ADGRE1: variants seen among roughly 807,000 people sequenced by gnomAD.
ADGRE1 encodes adhesion G protein-coupled receptor E1.
A neutral mutation model predicts 102.7 loss-of-function variants in ADGRE1; 82 were observed. The observed-to-expected ratio is 0.80, with a 90% CI of 0.67 to 0.96. The LOEUF (loss-of-function observed/expected upper bound fraction) is 0.96, where lower values mean the gene tolerates loss of function less well. Among genes scored for constraint, ADGRE1 ranks in the 40% least tolerant of loss-of-function variants. The pLI is 0.00. For missense variants in ADGRE1, 1,032 were observed against 1,085.3 expected, an observed-to-expected ratio of 0.95 and a Z score of 0.69; for synonymous variants, 398 against 399.6, an observed-to-expected ratio of 1.00 and a Z score of 0.05.
chr19:6,937,139 G>A, intron 18 of ADGRE1, 104 bp from the exon 19 acceptor site: 1 of 1,331,056 alleles, frequency 7.5e-7, no homozygotes, highest in Non-Finnish European at 1.0e-6. Flanking sequence ...CCACACCTAG[G>A]TGGCAAATTG....
Position 6,891,400 on chromosome 19 carries a change from T to G in ADGRE1, c.94+857T>G, listed in dbSNP as rs150522767. 2.7e-3 allele frequency among the ~76,000 whole-genome samples: 406 copies of G among 152,254 alleles called. 5 individuals are homozygous for G. Among genetic ancestry groups the G allele is most frequent in the African/African-American group, 8.9e-3 (370 of 41,548 alleles). ...TCCCAGTGTCTCTGTTTCCTGGTTC[T>G]TCTTTGGGCAACTTAGCAACTTGGT... On this transcript the variant is annotated intron_variant, in intron 2 of 20. Transcript: ENST00000312053.
intron 20 of ADGRE1, 149 bp downstream of exon 20, chr19:6,937,797 G>A: frequency 4.9e-6 from 3 of 612,418 alleles, no homozygotes. Context: ...GTTGAAGACT[G>A]GGGATTTATA....
chr19:6,935,094 A>C lies in ADGRE1; in HGVS notation c.2381+16A>C. 2 of 1,484,102 alleles carry C rather than the reference A, an allele frequency of 1.3e-6. No homozygotes were observed. Among genetic ancestry groups the C allele is most frequent in the Non-Finnish European group, 1.8e-6 (2 of 1,113,600 alleles). The allele number at this position is 1,484,102 out of a possible 1,614,324, so 91.9% of individuals were successfully genotyped here. On this transcript the variant is annotated intron_variant, in intron 18 of 20. Transcript: ENST00000312053. ...AAGACACCAGGTAAAGCCCTCTTTC[A>C]CCTCCCCCCCTCTTTTAATTTCCTC... is the stretch of plus-strand genomic sequence containing the variant.
intron 2 of ADGRE1, among the ~76,000 whole-genome samples, chr19:6,891,404 T>A (rs1973363186): frequency 6.6e-6 from 1 of 152,156 alleles, no homozygotes; most frequent in Non-Finnish European, 1.5e-5. Flanking sequence ...TGGTTCTTCT[T>A]TGGGCAACTT....
At chr19:6,932,976 T>C (rs1375574508) in intron 17 of ADGRE1, among the ~76,000 whole-genome samples, 1 of 152,174 alleles carries the variant, frequency 6.6e-6, no homozygotes, top group African/African-American at 2.4e-5. Context: ...ATCCCAGCAC[T>C]TTGGGAGGCC....
chr19:6,919,440 C>CTGTGTGTGTGTGTG (rs1323757328), intron 12 of ADGRE1, 108 bp from the exon 13 acceptor site: 2 of 524,948 alleles, frequency 3.8e-6, no homozygotes, highest in South Asian at 1.9e-5. Context: ...CCCTCCCTCC[C>CTGTGTGTGTGTGTG]TCTGTGTGTG....
intron 12 of ADGRE1, among the ~76,000 whole-genome samples, chr19:6,917,858 T>A (rs748519877): frequency 1.3e-5 from 2 of 152,188 alleles, no homozygotes; most frequent in Non-Finnish European, 2.9e-5. Context: ...TCTGATTATG[T>A]CTTCCAGATA....
chr19:6,889,685 C>CT, intron 1 of ADGRE1, among the ~76,000 whole-genome samples: 1 of 87,790 alleles, frequency 1.1e-5, no homozygotes, highest in Non-Finnish European at 2.0e-5. Flanking sequence ...GAGACTCCAT[C>CT]TCAAAAAAAA....
chr19:6,936,685 C>A (rs185277607), intron 18 of ADGRE1, among the ~76,000 whole-genome samples: 1 of 150,714 alleles, frequency 6.6e-6, no homozygotes, highest in African/African-American at 2.4e-5. Context: ...GGCATTGGCA[C>A]GGTCTCGACT....
intron 5 of ADGRE1, chr19:6,898,530 T>C: frequency 1.9e-6 from 3 of 1,545,014 alleles, no homozygotes; most frequent in Non-Finnish European, 2.7e-6. Flanking sequence ...GTTCATGTAT[T>C]TCTGAACTGA....
chr19:6,926,113 C>T (rs1159496742), intron 15 of ADGRE1, among the ~76,000 whole-genome samples: 7 of 152,138 alleles, frequency 4.6e-5, no homozygotes, highest in Non-Finnish European at 1.5e-5. Flanking sequence ...TCCTAAAACT[C>T]TTCCTGTTTT....
At chr19:6,927,833 G>A (rs920194498) in intron 16 of ADGRE1, among the ~76,000 whole-genome samples, 1 of 152,022 alleles carries the variant, frequency 6.6e-6, no homozygotes, top group Admixed American at 6.6e-5. Flanking sequence ...GGCCTGAGCT[G>A]AGATTTGAAT....
intron 2 of ADGRE1, among the ~76,000 whole-genome samples, chr19:6,891,899 C>T (rs565972440): frequency 6.6e-5 from 10 of 152,060 alleles, no homozygotes; most frequent in African/African-American, 2.2e-4. Flanking sequence ...GTGGCCAGAA[C>T]GGTGGGTGCA....
At chr19:6,906,854 A>G (rs1973977725) in intron 9 of ADGRE1, among the ~76,000 whole-genome samples, 1 of 151,984 alleles carries the variant, frequency 6.6e-6, no homozygotes, top group South Asian at 2.1e-4. Flanking sequence ...ACCCAGCACC[A>G]CTTCTGCTTG....
intron 10 of ADGRE1, among the ~76,000 whole-genome samples, chr19:6,911,951 A>G (rs1442442694): frequency 1.1e-4 from 16 of 150,870 alleles, no homozygotes; most frequent in Non-Finnish European, 1.6e-4. Context: ...GCATGTACCC[A>G]TACACACATA....
At chr19:6,905,903 C>T (rs1358547777) in intron 8 of ADGRE1, among the ~76,000 whole-genome samples, 3 of 152,098 alleles carry the variant, frequency 2.0e-5, no homozygotes, top group Non-Finnish European at 2.9e-5. Flanking sequence ...CTTGTATCCT[C>T]CTTAGACAGC....
intron 13 of ADGRE1, 91 bp from the exon 14 acceptor site, chr19:6,921,622 T>A (rs1031005458): frequency 7.2e-7 from 1 of 1,387,200 alleles, no homozygotes; most frequent in Non-Finnish European, 9.6e-7. Flanking sequence ...TGTATTCTTG[T>A]TCCCAGTGAC....
chr19:6,915,958 A>G (rs982916811), intron 11 of ADGRE1, among the ~76,000 whole-genome samples: 3 of 151,500 alleles, frequency 2.0e-5, no homozygotes, highest in Admixed American at 6.6e-5. Context: ...TTAGAGAGAA[A>G]ATCATGACTG....
At chr19:6,890,625 C>A in intron 2 of ADGRE1, 82 bp downstream of exon 2, 1 of 1,454,094 alleles carries the variant, frequency 6.9e-7, no homozygotes. Flanking sequence ...GAAGCTGAGC[C>A]TCATCCAGAT....
Sources: gnomAD v4.1 joint callset for allele counts (sites outside exome capture counted in the v4.1 genomes callset) on GRCh38, gnomAD v4.1.1 for gene constraint, MANE v1.5 for transcripts, NCBI Gene and HGNC (gene_info 2026-07-23, HGNC 2026-07-21) for gene names.